The following NHEJ1 variants were observed in gnomAD, a reference collection of about 807,000 sequenced individuals.
NHEJ1 encodes non-homologous end joining factor 1, also known as non-homologous end-joining factor 1.
In NHEJ1, 22 loss-of-function variants were observed where a neutral mutation model predicts 39.4. That is an observed-to-expected ratio of 0.56 (90% CI 0.40 to 0.80). NHEJ1 has a LOEUF of 0.80. Among genes scored for constraint, NHEJ1 ranks in the 30% least tolerant of loss-of-function variants. The pLI, the probability that NHEJ1 is intolerant of heterozygous loss-of-function variation, is 0.00. For synonymous variants in NHEJ1, 154 were observed against 135.6 expected (o/e 1.14, Z -0.94); for missense variants, 329 against 357.1 (o/e 0.92, Z 0.63).
At chr2:219,097,380 A>G (rs1162184275) in intron 5 of NHEJ1, among the ~76,000 whole-genome samples, 1 of 152,200 alleles carries the variant, frequency 6.6e-6, no homozygotes, top group East Asian at 1.9e-4. Flanking sequence ...TTATTTTGAA[A>G]GAAGGGCCAA....
intron 3 of NHEJ1, among the ~76,000 whole-genome samples, chr2:219,153,370 C>G (rs936289877): frequency 3.9e-5 from 6 of 152,100 alleles, no homozygotes; most frequent in African/African-American, 1.4e-4. Context: ...CTCTTTCTTA[C>G]ACTAAGAAAC....
At chr2:219,142,211 G>A (rs1219116343) in intron 5 of NHEJ1, among the ~76,000 whole-genome samples, 1 of 42,228 alleles carries the variant, frequency 2.4e-5, no homozygotes, top group African/African-American at 4.3e-5. Flanking sequence ...CGACTGCAGG[G>A]AAGAGAAGAG....
At chr2:219,146,306 G>A (rs1323635544) in intron 5 of NHEJ1, among the ~76,000 whole-genome samples, 2 of 152,136 alleles carry the variant, frequency 1.3e-5, no homozygotes, top group Admixed American at 1.3e-4. Flanking sequence ...AAAGGGCCTA[G>A]ACAAGTAATG....
chr2:219,153,684 G>C (rs1949819506), intron 3 of NHEJ1, among the ~76,000 whole-genome samples: 1 of 30,800 alleles, frequency 3.2e-5, no homozygotes, highest in African/African-American at 9.4e-5. Flanking sequence ...AAAAGAAAAA[G>C]AAAGAAAAGG....
chr2:219,135,145 G>A (rs1949615224), intron 5 of NHEJ1, among the ~76,000 whole-genome samples: 1 of 151,654 alleles, frequency 6.6e-6, no homozygotes, highest in South Asian at 2.1e-4. Flanking sequence ...GTAAAAAATA[G>A]GCTAAGGCAT....
chr2:219,101,983 C>T (rs1949266034), intron 5 of NHEJ1, among the ~76,000 whole-genome samples: 1 of 152,202 alleles, frequency 6.6e-6, no homozygotes, highest in Non-Finnish European at 1.5e-5. Flanking sequence ...CTCGGCTTCC[C>T]AAAGTGCTGG....
At chr2:219,150,811 C>T (rs1237601041) in intron 3 of NHEJ1, among the ~76,000 whole-genome samples, 1 of 151,960 alleles carries the variant, frequency 6.6e-6, no homozygotes, top group African/African-American at 2.4e-5. Flanking sequence ...CAAAAATTAG[C>T]TGGGCATGGT....
intron 5 of NHEJ1, among the ~76,000 whole-genome samples, chr2:219,121,028 G>A (rs1443315549): frequency 6.6e-6 from 1 of 151,816 alleles, no homozygotes; most frequent in African/African-American, 2.4e-5. Flanking sequence ...GAAACCCCAT[G>A]TCTACTAAAA....
At chr2:219,105,600 C>A (rs186942119) in intron 5 of NHEJ1, among the ~76,000 whole-genome samples, 70 of 152,258 alleles carry the variant, frequency 4.6e-4, no homozygotes, top group Admixed American at 1.3e-3. Flanking sequence ...ATTTAATATG[C>A]CCTTTTCTCA....
intron 5 of NHEJ1, among the ~76,000 whole-genome samples, chr2:219,082,630 G>T (rs970384342): frequency 6.6e-6 from 1 of 152,172 alleles, no homozygotes; most frequent in African/African-American, 2.4e-5. Context: ...CAGGTTTAAT[G>T]AAGAAAAAGG....
At chr2:219,135,136 T>TA (rs1410025517) in intron 5 of NHEJ1, among the ~76,000 whole-genome samples, 4 of 152,036 alleles carry the variant, frequency 2.6e-5, no homozygotes, top group African/African-American at 7.2e-5. Context: ...ACTGATTTTG[T>TA]AAAAAATAGG....
At chr2:219,120,751 G>C (rs1024850535) in intron 5 of NHEJ1, among the ~76,000 whole-genome samples, 1 of 152,198 alleles carries the variant, frequency 6.6e-6, no homozygotes, top group Non-Finnish European at 1.5e-5. Flanking sequence ...ATTTGTAGAA[G>C]AGAGAAAAGT....
chr2:219,108,011 G>T (rs570229322), intron 5 of NHEJ1, among the ~76,000 whole-genome samples: 2 of 151,654 alleles, frequency 1.3e-5, no homozygotes, highest in African/African-American at 2.4e-5. Context: ...CAGCGACTGC[G>T]CCATGACTGC....
chr2:219,158,125 AG>A, intron 2 of NHEJ1, 60 bp downstream of exon 2: 3 of 1,578,552 alleles, frequency 1.9e-6, no homozygotes, highest in Non-Finnish European at 2.6e-6. Flanking sequence ...GGGAAACTAC[AG>A]GCCAGCAAGC....
chr2:219,140,794 A>C (rs972789458), intron 5 of NHEJ1, among the ~76,000 whole-genome samples: 6 of 152,254 alleles, frequency 3.9e-5, no homozygotes, highest in African/African-American at 1.4e-4. Context: ...AGTGAAGAAT[A>C]AATGTGAGAT....
intron 5 of NHEJ1, among the ~76,000 whole-genome samples, chr2:219,104,080 G>GT (rs1226891699): frequency 6.7e-6 from 1 of 149,466 alleles, no homozygotes; most frequent in African/African-American, 2.5e-5. Flanking sequence ...TGTTTGTTTT[G>GT]TTTTGTCTCA....
rs1948991841 is a variant in NHEJ1, at chr2:219,074,284, C to T, written c.*2097G>A. Among the ~76,000 whole-genome samples the T allele has an allele frequency of 6.6e-6, 1 of 152,178 alleles. No individual in the cohort carries two copies. On this transcript the variant is annotated 3_prime_UTR_variant, in exon 8 of 8. Transcript: ENST00000356853. Reference sequence around the variant, plus strand: ...CTACAATTTTGAGGGATTCACAGGCCTCTGGCCCCGCTGTGATGAAAAATG... The same window carrying T: ...CTACAATTTTGAGGGATTCACAGGCTTCTGGCCCCGCTGTGATGAAAAATG...
At position 219,157,537 on chromosome 2, in the gene NHEJ1, G is replaced by T. The variant is rs1307944268; in HGVS notation, c.325C>A (p.Arg109=). 1 of 1,614,136 alleles carries T rather than the reference G, an allele frequency of 6.2e-7. No individual in the cohort carries two copies. The highest frequency in any genetic ancestry group is 2.2e-5 in the East Asian group (1 of 44,876). ...AAGGGGAGGCCAGAGAGCTCACTTCGCACCCGTAGAATCAGTGCATCTGCC... is the reference window on the plus strand; with the variant it reads ...AAGGGGAGGCCAGAGAGCTCACTTCTCACCCGTAGAATCAGTGCATCTGCC... ...CVADALILRV[R]SELSGLPFYW... The change falls in exon 3 of 8, where the codon CGA becomes AGA. Residue 109 remains arginine (R), a synonymous_variant. Transcript: ENST00000356853.
intron 5 of NHEJ1, among the ~76,000 whole-genome samples, chr2:219,140,438 G>T (rs1255530300): frequency 1.3e-5 from 2 of 152,176 alleles, no homozygotes; most frequent in Non-Finnish European, 2.9e-5. Context: ...TACAAATAAG[G>T]AGGCTTTTGC....
Sources: gnomAD v4.1 joint callset for allele counts (sites outside exome capture counted in the v4.1 genomes callset) on GRCh38, gnomAD v4.1.1 for gene constraint, MANE v1.5 for transcripts, NCBI Gene and HGNC (gene_info 2026-07-23, HGNC 2026-07-21) for gene names.